Variants in SCHIP1 observed in about 807,000 individuals in gnomAD.
SCHIP1 encodes schwannomin-interacting protein 1.
In SCHIP1, 8 loss-of-function variants were observed where a neutral mutation model predicts 29.7. The ratio of observed to expected loss-of-function variants is 0.27; its 90% CI spans 0.16 to 0.49. The LOEUF is 0.49. Among genes scored for constraint, SCHIP1 ranks in the 20% least tolerant of loss-of-function variants. SCHIP1 has a pLI of 0.99. For missense variants in SCHIP1, 193 were observed against 294.6 expected, an observed-to-expected ratio of 0.66 and a Z score of 2.52; for synonymous variants, 76 against 94.9, an observed-to-expected ratio of 0.80 and a Z score of 1.16.
the SCHIP1 span, among the ~76,000 whole-genome samples, chr3:159,649,300 C>A: frequency 6.6e-6 from 1 of 152,046 alleles, no homozygotes; most frequent in Non-Finnish European, 1.5e-5. Context: ...CTCTCTCTAC[C>A]CCAAAAGTGC....
At chr3:159,533,967 G>A in the SCHIP1 span, among the ~76,000 whole-genome samples, 1 of 152,202 alleles carries the variant, frequency 6.6e-6, no homozygotes, top group African/African-American at 2.4e-5. Context: ...TCCAACCACA[G>A]CTTCATGTGA....
chr3:159,750,298 C>T, the SCHIP1 span, among the ~76,000 whole-genome samples: 2,430 of 123,482 alleles, frequency 0.02, 95 homozygotes, highest in African/African-American at 0.085. Flanking sequence ...TATATATATA[C>T]ACACACACAC....
chr3:159,716,471 T>A, the SCHIP1 span, among the ~76,000 whole-genome samples: 4 of 151,900 alleles, frequency 2.6e-5, no homozygotes, highest in African/African-American at 9.7e-5. Context: ...GGATAAAGAG[T>A]CAAGATCCAT....
the SCHIP1 span, among the ~76,000 whole-genome samples, chr3:159,390,782 A>G: frequency 2.0e-5 from 3 of 152,130 alleles, no homozygotes; most frequent in East Asian, 5.8e-4. Flanking sequence ...GCAGAAGTGA[A>G]GGCACAATTG....
At chr3:159,732,840 G>A in the SCHIP1 span, among the ~76,000 whole-genome samples, 1 of 152,198 alleles carries the variant, frequency 6.6e-6, no homozygotes, top group Non-Finnish European at 1.5e-5. Context: ...CCAGGAGCTG[G>A]AGCTACAGGA....
At chr3:159,481,020 G>T in the SCHIP1 span, among the ~76,000 whole-genome samples, 1 of 152,132 alleles carries the variant, frequency 6.6e-6, no homozygotes, top group Non-Finnish European at 1.5e-5. Context: ...CAGTCAGGGA[G>T]CTTCTGAGCC....
chr3:159,645,453 A>G, the SCHIP1 span, among the ~76,000 whole-genome samples: 1 of 152,180 alleles, frequency 6.6e-6, no homozygotes, highest in Non-Finnish European at 1.5e-5. Context: ...TCAGAACAAA[A>G]TGATAGGTTA....
chr3:159,425,782 A>G, the SCHIP1 span, among the ~76,000 whole-genome samples: 4 of 152,220 alleles, frequency 2.6e-5, no homozygotes, highest in African/African-American at 9.6e-5. Context: ...AATTGACCAC[A>G]TACTTGGAAG....
intron 1 of SCHIP1, among the ~76,000 whole-genome samples, chr3:159,849,606 A>C (rs1712305412): frequency 6.6e-6 from 1 of 152,110 alleles, no homozygotes; most frequent in Non-Finnish European, 1.5e-5. Flanking sequence ...TGGTCTTTAG[A>C]GCTTTTCAAG....
chr3:159,670,498 A>C, the SCHIP1 span, among the ~76,000 whole-genome samples: 3 of 152,214 alleles, frequency 2.0e-5, no homozygotes, highest in South Asian at 6.2e-4. Context: ...TCCGAAATTC[A>C]ATCTGAGGGT....
chr3:159,526,390 G>A, the SCHIP1 span, among the ~76,000 whole-genome samples: 2 of 151,898 alleles, frequency 1.3e-5, no homozygotes, highest in Admixed American at 6.6e-5. Context: ...GGCTGGTCTC[G>A]AACTCTGGGC....
chr3:159,725,270 T>TC, the SCHIP1 span, among the ~76,000 whole-genome samples: 1 of 143,330 alleles, frequency 7.0e-6, no homozygotes, highest in South Asian at 2.2e-4. Flanking sequence ...TTTTCTTTTT[T>TC]CTTTTTTTTT....
At chr3:159,572,033 C>T in the SCHIP1 span, among the ~76,000 whole-genome samples, 2 of 152,044 alleles carry the variant, frequency 1.3e-5, no homozygotes, top group Non-Finnish European at 2.9e-5. Flanking sequence ...CTTTATTAGT[C>T]TTGCTAGCAG....
chr3:159,507,767 G>C, the SCHIP1 span, among the ~76,000 whole-genome samples: 1 of 152,200 alleles, frequency 6.6e-6, no homozygotes, highest in South Asian at 2.1e-4. Flanking sequence ...GCTGGATTAC[G>C]TTTATTGATT....
At chr3:159,817,473 A>G in the SCHIP1 span, among the ~76,000 whole-genome samples, 1 of 152,184 alleles carries the variant, frequency 6.6e-6, no homozygotes, top group Non-Finnish European at 1.5e-5. Context: ...GGTTTAAAGC[A>G]GTTTCCTCAC....
At chr3:159,389,759 C>T in the SCHIP1 span, among the ~76,000 whole-genome samples, 1 of 152,052 alleles carries the variant, frequency 6.6e-6, no homozygotes, top group Non-Finnish European at 1.5e-5. Flanking sequence ...GATATTCTTC[C>T]AATGGAGTAG....
At chr3:159,650,795 T>C in the SCHIP1 span, among the ~76,000 whole-genome samples, 2 of 152,202 alleles carry the variant, frequency 1.3e-5, no homozygotes, top group Non-Finnish European at 2.9e-5. Flanking sequence ...CTATCTTTAT[T>C]GCACTGGAAC....
chr3:159,424,045 C>A, the SCHIP1 span, among the ~76,000 whole-genome samples: 1 of 57,814 alleles, frequency 1.7e-5, no homozygotes, highest in Non-Finnish European at 4.6e-5. Context: ...ACATCCACAC[C>A]AAAAACCCAT....
the SCHIP1 span, among the ~76,000 whole-genome samples, chr3:159,678,675 T>A: frequency 6.6e-6 from 1 of 152,234 alleles, no homozygotes; most frequent in Non-Finnish European, 1.5e-5. Flanking sequence ...ACTTACTGTA[T>A]TAGTCCATTC....
Sources: allele counts gnomAD v4.1 joint callset (sites outside exome capture counted in the v4.1 genomes callset), GRCh38; gene constraint gnomAD v4.1.1; transcripts MANE v1.5; gene names NCBI Gene and HGNC (gene_info 2026-07-23, HGNC 2026-07-21).